The following LRSAM1 variants were observed in gnomAD, a reference collection of about 807,000 sequenced individuals.
The protein encoded by LRSAM1 is leucine rich repeat and sterile alpha motif containing 1, also known as E3 ubiquitin-protein ligase LRSAM1.
Under a neutral mutation model 118.1 loss-of-function variants are expected in LRSAM1, and 96 were observed. The observed-to-expected ratio is 0.81, with a 90% CI of 0.69 to 0.96. The LOEUF is 0.96. Ranked by LOEUF, LRSAM1 falls within the 40% of genes least tolerant of loss-of-function variation. LRSAM1 has a pLI of 0.00. For missense variants in LRSAM1, 804 were observed against 915.5 expected, an observed-to-expected ratio of 0.88 and a Z score of 1.57; for synonymous variants, 322 against 364.2, an observed-to-expected ratio of 0.88 and a Z score of 1.32.
chr9:127,474,721 G>A (rs2132050233), intron 11 of LRSAM1, among the ~76,000 whole-genome samples: 1 of 152,324 alleles, frequency 6.6e-6, no homozygotes, highest in South Asian at 2.1e-4. Context: ...ACCATGCTCT[G>A]GGTCTAGTGA....
intron 9 of LRSAM1, 114 bp downstream of exon 9, chr9:127,462,487 C>T (rs1320745674): frequency 1.3e-6 from 2 of 1,541,782 alleles, no homozygotes; most frequent in African/African-American, 1.4e-5. Flanking sequence ...CACAGAGATC[C>T]CAAGGCATGG....
chr9:127,466,516 T>TA (rs1834954439), intron 9 of LRSAM1, among the ~76,000 whole-genome samples: 4 of 82,494 alleles, frequency 4.8e-5, no homozygotes, highest in Admixed American at 1.7e-4. Context: ...TTTTTTTTTT[T>TA]TTTTTTTTTT....
At chr9:127,456,587 G>A (rs934406121) in intron 5 of LRSAM1, among the ~76,000 whole-genome samples, 4 of 152,106 alleles carry the variant, frequency 2.6e-5, no homozygotes, top group Non-Finnish European at 5.9e-5. Flanking sequence ...TAGATTGGCC[G>A]GGTGCGGTGG....
Position 127,462,374 on chromosome 9 carries a change from G to T in LRSAM1, c.528+1G>T. 1 of 1,613,870 alleles carries T rather than the reference G, an allele frequency of 6.2e-7. No homozygotes were observed. The highest frequency in any genetic ancestry group is 8.5e-7 in the Non-Finnish European group (1 of 1,179,886). Reference sequence around the variant, plus strand: ...GCTGGCTCACGTTCGAACCCTGGAGGTAAATGGGAAGCTGTTCTTGCCTGG... The same window carrying T: ...GCTGGCTCACGTTCGAACCCTGGAGTTAAATGGGAAGCTGTTCTTGCCTGG... On this transcript the variant is annotated splice_donor_variant, in intron 9 of 25. Transcript: ENST00000300417. LOFTEE classifies it high-confidence loss of function.
Position 127,455,566 on chromosome 9 carries a change from C to G in LRSAM1, c.130-10C>G, listed in dbSNP as rs1834486903. On this transcript the variant is annotated splice_polypyrimidine_tract_variant and intron_variant, in intron 4 of 25. Coordinates refer to ENST00000300417, the MANE Select transcript of LRSAM1 (RefSeq NM_001005373.4). ...AGGGGAGACACTTACTCTTCTTTAT[C>G]TTATCTTAGATTCCATTTGGAGCTT... The G allele has an allele frequency of 1.2e-6, 2 of 1,613,984 alleles. No individual in the cohort carries two copies.
At chr9:127,494,974 G>A (rs952081355) in intron 21 of LRSAM1, among the ~76,000 whole-genome samples, 22 of 152,076 alleles carry the variant, frequency 1.4e-4, no homozygotes, top group Admixed American at 2.6e-4. Flanking sequence ...TTTTTGAGAC[G>A]GAGTTTCGCT....
Position 127,479,299 on chromosome 9 carries a change from T to C in LRSAM1, c.781-84T>C. ...GAAGACCTGGAGCCTGCCCTGTCAGTGTTGAGGGGTGGATTCTCCCGACTT... is the reference window on the plus strand; with the variant it reads ...GAAGACCTGGAGCCTGCCCTGTCAGCGTTGAGGGGTGGATTCTCCCGACTT... On this transcript the variant is annotated intron_variant, in intron 12 of 25. Transcript: ENST00000300417. 1.9e-6 allele frequency: 3 copies of C among 1,592,220 alleles called. No homozygotes were observed. The East Asian group carries it at 6.7e-5, about 36-fold the overall frequency.
chr9:127,469,377 G>A (rs1835078810), intron 10 of LRSAM1, among the ~76,000 whole-genome samples: 2 of 152,136 alleles, frequency 1.3e-5, no homozygotes, highest in South Asian at 4.1e-4. Context: ...GGCTGAGGCA[G>A]GAGAATCACT....
intron 5 of LRSAM1, 83 bp from the exon 6 acceptor site, chr9:127,457,233 C>T (rs899549693): frequency 3.0e-5 from 45 of 1,497,088 alleles, no homozygotes; most frequent in Middle Eastern, 1.7e-4. Context: ...CGTGGCACGG[C>T]GCTGGGCTGG....
chr9:127,500,358 CAAA>C (rs563842364), intron 24 of LRSAM1, among the ~76,000 whole-genome samples: 9 of 93,558 alleles, frequency 9.6e-5, no homozygotes, highest in African/African-American at 1.2e-4. Flanking sequence ...GAGACTGTCT[CAAA>C]AAAAAAAAAA....
At chr9:127,458,870 T>C in intron 6 of LRSAM1, 133 bp from the exon 7 acceptor site, 1 of 779,140 alleles carries the variant, frequency 1.3e-6, no homozygotes, top group Non-Finnish European at 2.3e-6. Context: ...CAACACTGAG[T>C]GGGAAAGGAG....
intron 6 of LRSAM1, among the ~76,000 whole-genome samples, chr9:127,458,746 A>G (rs1475136643): frequency 2.0e-5 from 3 of 152,206 alleles, no homozygotes; most frequent in Non-Finnish European, 4.4e-5. Flanking sequence ...TTAACATATT[A>G]GTATCTAGGC....
rs138840893 is a variant in LRSAM1 at position 127,471,550 on chromosome 9, G to A, written c.620-2251G>A. Among the ~76,000 whole-genome samples, 300 of 150,808 alleles carry A rather than the reference G, an allele frequency of 2.0e-3. 3 individuals are homozygous for A. In the East Asian group the frequency reaches 0.039, roughly 19 times the overall value. On this transcript the variant is annotated intron_variant, in intron 10 of 25. Coordinates refer to ENST00000300417, the MANE Select transcript of LRSAM1 (RefSeq NM_001005373.4). ...GCCTGTAATCCCAGCACTTTAGGAG[G>A]TCGAGGTGGGTGGATCACCTGAGGT...
At chr9:127,480,489 G>C (rs1198576246) in intron 14 of LRSAM1, among the ~76,000 whole-genome samples, 1 of 152,168 alleles carries the variant, frequency 6.6e-6, no homozygotes, top group East Asian at 1.9e-4. Context: ...TCCAGAAACA[G>C]GCTCCAGCCA....
chr9:127,459,187 C>A, intron 7 of LRSAM1, 116 bp downstream of exon 7: 2 of 947,196 alleles, frequency 2.1e-6, no homozygotes, highest in Non-Finnish European at 3.4e-6. Context: ...GCAATCAGTG[C>A]CAGCTCCACC....
chr9:127,464,436 C>T (rs887028931), intron 9 of LRSAM1, among the ~76,000 whole-genome samples: 2 of 151,826 alleles, frequency 1.3e-5, no homozygotes, highest in Non-Finnish European at 1.5e-5. Flanking sequence ...CTGTCCAGAG[C>T]GGCAGCCGCT....
At chr9:127,493,867 C>T (rs537634723) in intron 21 of LRSAM1, among the ~76,000 whole-genome samples, 3 of 152,322 alleles carry the variant, frequency 2.0e-5, no homozygotes, top group Admixed American at 6.5e-5. Context: ...CCTGTGTCCC[C>T]GTGAATGCAC....
rs548270854 is a variant in LRSAM1 at position 127,479,448 on chromosome 9, C to T, written c.846C>T (p.Thr282=). Residue 282 remains threonine (T), a synonymous_variant, in exon 13 of 26, where the codon ACC becomes ACT. Transcript: ENST00000300417. ...TGGAACTGGGGCAGCGGGAGCACACCCAGCTCCTTCAGCAGAGCAGCAGCC... is the reference window on the plus strand; with the variant it reads ...TGGAACTGGGGCAGCGGGAGCACACTCAGCTCCTTCAGCAGAGCAGCAGCC... The part of the protein sequence containing the change: ...RRLELGQREH[T]QLLQQSSSQK... The T allele has an allele frequency of 1.1e-5, 17 of 1,614,034 alleles. No individual in the cohort carries two copies. The Middle Eastern group carries it at 5.0e-4, about 47-fold the overall frequency.
At chr9:127,495,476 C>CACCACAG in intron 22 of LRSAM1, 58 bp downstream of exon 22, 1 of 1,432,720 alleles carries the variant, frequency 7.0e-7, no homozygotes, top group Non-Finnish European at 9.8e-7. Flanking sequence ...CTCCCAGAGG[C>CACCACAG]GCCTGTGGTG....
Sources: gnomAD v4.1 joint callset for allele counts (sites outside exome capture counted in the v4.1 genomes callset) on GRCh38, gnomAD v4.1.1 for gene constraint, MANE v1.5 for transcripts, NCBI Gene and HGNC (gene_info 2026-07-23, HGNC 2026-07-21) for gene names.